Variants in CTNNA3 observed in about 807,000 individuals in gnomAD.
CTNNA3 encodes catenin alpha-3.
CTNNA3 carries 76 observed loss-of-function variants against 95.7 expected under a neutral mutation model. The ratio of observed to expected loss-of-function variants is 0.79; its 90% CI spans 0.66 to 0.96. CTNNA3 has a LOEUF of 0.96. CTNNA3 is among the 40% of genes least tolerant of loss of function. The pLI, the probability that CTNNA3 is intolerant of heterozygous loss-of-function variation, is 0.00. For synonymous variants in CTNNA3, 431 were observed against 374.4 expected, an observed-to-expected ratio of 1.15 and a Z score of -1.74; for missense variants, 1,191 against 1,089.8, an observed-to-expected ratio of 1.09 and a Z score of -1.31.
At chr10:66,591,950 C>T (rs1843566143) in intron 10 of CTNNA3, among the ~76,000 whole-genome samples, 1 of 151,994 alleles carries the variant, frequency 6.6e-6, no homozygotes, top group South Asian at 2.1e-4. Flanking sequence ...TGAGTTTTAG[C>T]AAGTTTTATT....
intron 12 of CTNNA3, among the ~76,000 whole-genome samples, chr10:66,288,113 G>A (rs988247481): frequency 6.6e-6 from 1 of 152,008 alleles, no homozygotes; most frequent in African/African-American, 2.4e-5. Context: ...AACATAAATT[G>A]TATATACAGA....
At chr10:66,473,861 C>T (rs1839225835) in intron 11 of CTNNA3, among the ~76,000 whole-genome samples, 1 of 152,028 alleles carries the variant, frequency 6.6e-6, no homozygotes, top group African/African-American at 2.4e-5. Context: ...TTTTTTATGG[C>T]TGTATAGTAT....
At chr10:65,927,909 C>T (rs556021364) in intron 17 of CTNNA3, among the ~76,000 whole-genome samples, 269 of 152,230 alleles carry the variant, frequency 1.8e-3, no homozygotes, top group Non-Finnish European at 3.2e-3. Context: ...TTGAATTCCA[C>T]CAGCAATGTA....
intron 1 of CTNNA3, among the ~76,000 whole-genome samples, chr10:67,668,285 T>C (rs10823075): frequency 0.13 from 19,343 of 152,174 alleles, 1,351 homozygotes; most frequent in Non-Finnish European, 0.16. Flanking sequence ...TTAGCAAAAA[T>C]GCCTCCATAC....
intron 13 of CTNNA3, among the ~76,000 whole-genome samples, chr10:66,175,770 T>G (rs183959176): frequency 1.4e-4 from 21 of 152,304 alleles, no homozygotes; most frequent in Non-Finnish European, 2.4e-4. Flanking sequence ...TCATTAACCA[T>G]ATTTATTTAA....
intron 13 of CTNNA3, among the ~76,000 whole-genome samples, chr10:66,202,031 G>C (rs146553690): frequency 1.3e-5 from 2 of 152,014 alleles, no homozygotes; most frequent in African/African-American, 4.8e-5. Context: ...AGGTGATCCA[G>C]CCACCCTGGC....
chr10:67,693,334 A>T (rs1176327067), intron 1 of CTNNA3, among the ~76,000 whole-genome samples: 1 of 152,192 alleles, frequency 6.6e-6, no homozygotes, highest in Non-Finnish European at 1.5e-5. Context: ...AAAATCCAGT[A>T]TCCAAACAAG....
intron 11 of CTNNA3, among the ~76,000 whole-genome samples, chr10:66,457,953 G>A (rs1308602026): frequency 6.6e-6 from 1 of 152,050 alleles, no homozygotes; most frequent in Admixed American, 6.6e-5. Flanking sequence ...AGGTAGAGGG[G>A]GTAGGCTCTT....
intron 7 of CTNNA3, among the ~76,000 whole-genome samples, chr10:67,022,499 G>A (rs1410047140): frequency 6.6e-6 from 1 of 152,132 alleles, no homozygotes; most frequent in Non-Finnish European, 1.5e-5. Context: ...AAAATTTTCA[G>A]AGATGACAAA....
intron 17 of CTNNA3, among the ~76,000 whole-genome samples, chr10:65,945,671 G>C (rs1446331127): frequency 6.6e-6 from 1 of 152,138 alleles, no homozygotes; most frequent in African/African-American, 2.4e-5. Context: ...ATGGAACTGG[G>C]GAATGAGGAG....
intron 1 of CTNNA3, among the ~76,000 whole-genome samples, chr10:67,694,833 A>G (rs1840933235): frequency 6.6e-6 from 1 of 152,210 alleles, no homozygotes; most frequent in Non-Finnish European, 1.5e-5. Context: ...AATTCCTACG[A>G]TGAACATTTA....
chr10:67,165,436 T>C (rs1249395654), intron 7 of CTNNA3, among the ~76,000 whole-genome samples: 1 of 152,154 alleles, frequency 6.6e-6, no homozygotes, highest in East Asian at 1.9e-4. Context: ...TGATGGAATA[T>C]TTCTGTATCG....
chr10:65,924,059 A>G (rs1349099425), intron 17 of CTNNA3, among the ~76,000 whole-genome samples: 1 of 152,208 alleles, frequency 6.6e-6, no homozygotes, highest in African/African-American at 2.4e-5. Context: ...AAAAATATAC[A>G]TATTGGTAAT....
intron 9 of CTNNA3, among the ~76,000 whole-genome samples, chr10:66,734,163 T>C (rs995533583): frequency 6.6e-6 from 1 of 151,984 alleles, no homozygotes; most frequent in Non-Finnish European, 1.5e-5. Flanking sequence ...AAAAAAAATA[T>C]TGACTTTTTA....
At chr10:67,195,942 G>A (rs1303905232) in intron 6 of CTNNA3, among the ~76,000 whole-genome samples, 3 of 152,012 alleles carry the variant, frequency 2.0e-5, no homozygotes, top group Admixed American at 6.6e-5. Context: ...AAGTGAAATT[G>A]CCTATCAAAT....
At chr10:67,355,861 T>C (rs1030276932) in intron 5 of CTNNA3, among the ~76,000 whole-genome samples, 6 of 152,008 alleles carry the variant, frequency 3.9e-5, no homozygotes, top group Admixed American at 2.0e-4. Flanking sequence ...GCATAATTCA[T>C]AGTGAAGAGG....
At chr10:66,585,866 G>T (rs1415118250) in intron 10 of CTNNA3, among the ~76,000 whole-genome samples, 1 of 151,716 alleles carries the variant, frequency 6.6e-6, no homozygotes, top group Non-Finnish European at 1.5e-5. Context: ...TTGTTTTTAT[G>T]GTTCCTTCTC....
chr10:66,658,808 C>T (rs1370264890), intron 9 of CTNNA3, among the ~76,000 whole-genome samples: 1 of 152,146 alleles, frequency 6.6e-6, no homozygotes, highest in Non-Finnish European at 1.5e-5. Context: ...ATCCTCACAC[C>T]TCAGCCACCT....
chr10:67,531,347 G>A (rs1323033778), intron 4 of CTNNA3, among the ~76,000 whole-genome samples: 1 of 152,194 alleles, frequency 6.6e-6, no homozygotes, highest in Non-Finnish European at 1.5e-5. Context: ...GCCACAGGGG[G>A]AGAGCTGCCC....
Sources: allele counts gnomAD v4.1 joint callset (sites outside exome capture counted in the v4.1 genomes callset), GRCh38; gene constraint gnomAD v4.1.1; transcripts MANE v1.5; gene names NCBI Gene and HGNC (gene_info 2026-07-23, HGNC 2026-07-21).